Variants in KIF20B observed in about 807,000 individuals in gnomAD.
The protein encoded by KIF20B is kinesin family member 20B, also known as kinesin-like protein KIF20B.
KIF20B carries 188 observed loss-of-function variants against 232.5 expected under a neutral mutation model. The observed-to-expected ratio is 0.81, with a 90% CI of 0.72 to 0.91. KIF20B has a LOEUF of 0.91. Ranked by LOEUF, KIF20B falls within the 40% of genes least tolerant of loss-of-function variation. The pLI is 0.00. For synonymous variants in KIF20B, 712 were observed against 683.0 expected (o/e 1.04, Z -0.66); for missense variants, 2,154 against 2,055.9 (o/e 1.05, Z -0.92).
At chr10:89,716,669 T>C (rs1215282718) in intron 9 of KIF20B, 122 bp downstream of exon 9, 5 of 631,366 alleles carry the variant, frequency 7.9e-6, no homozygotes, top group Non-Finnish European at 1.4e-5. Flanking sequence ...TCATAAGGCA[T>C]AAAAAACATT....
At chr10:89,764,037 C>T (rs1225895764) in intron 29 of KIF20B, among the ~76,000 whole-genome samples, 2 of 99,118 alleles carry the variant, frequency 2.0e-5, no homozygotes, top group African/African-American at 7.9e-5. Flanking sequence ...CTAATGCCAT[C>T]CCTCCCCCCT....
chr10:89,713,999 C>A (rs556438844), intron 6 of KIF20B, 48 bp from the exon 7 acceptor site: 2 of 922,262 alleles, frequency 2.2e-6, no homozygotes, highest in African/African-American at 1.7e-5. Flanking sequence ...GATTATTTAA[C>A]CTTAATGAAA....
chr10:89,759,146 GGTAGA>G lies in KIF20B; in HGVS notation c.4680+268_4680+272del, dbSNP rs376859537. ...AAATATTAGTATTTCTAATTACTTTGGTAGAGTAATTAGAAAATCAACAATTTATG... is the reference window on the plus strand; with the variant it reads ...AAATATTAGTATTTCTAATTACTTTGGTAATTAGAAAATCAACAATTTATG... On this transcript the variant is annotated intron_variant, in intron 27 of 32. Transcript: ENST00000371728. 1.5e-3 allele frequency among the ~76,000 whole-genome samples: 235 copies of G among 151,960 alleles called. 1 individual carries two copies. The highest frequency in any genetic ancestry group is 5.4e-3 in the African/African-American group (224 of 41,496).
chr10:89,747,499 ATG>A (rs1205749999), intron 23 of KIF20B, among the ~76,000 whole-genome samples: 3 of 151,538 alleles, frequency 2.0e-5, no homozygotes, highest in African/African-American at 7.3e-5. Context: ...ATGTCCAACA[ATG>A]ATAGACTGGA....
At chr10:89,749,918 G>A (rs1394097935) in intron 23 of KIF20B, among the ~76,000 whole-genome samples, 1 of 152,052 alleles carries the variant, frequency 6.6e-6, no homozygotes, top group Admixed American at 6.6e-5. Flanking sequence ...TTGATTGCTT[G>A]TTCATTTAAT....
chr10:89,723,555 A>G (rs1390277820), intron 13 of KIF20B: 2 of 152,786 alleles, frequency 1.3e-5, no homozygotes, highest in African/African-American at 4.8e-5. Context: ...TTTAAACTCA[A>G]CCTTTAGCAT....
chr10:89,768,591 G>C, intron 30 of KIF20B, 147 bp from the exon 31 acceptor site: 2 of 824,682 alleles, frequency 2.4e-6, no homozygotes, highest in Non-Finnish European at 3.7e-6. Flanking sequence ...GCCATTGTCT[G>C]ACCCTTTTAT....
chr10:89,743,932 A>G lies in KIF20B; in HGVS notation c.4035+5A>G. 6.3e-7 allele frequency: 1 copy of G among 1,577,702 alleles called. No individual in the cohort carries two copies. The highest frequency in any genetic ancestry group is 8.6e-7 in the Non-Finnish European group (1 of 1,167,518). On this transcript the variant is annotated splice_donor_5th_base_variant and intron_variant, in intron 22 of 32. Coordinates refer to ENST00000371728, the MANE Select transcript of KIF20B (RefSeq NM_001284259.2). ...CGAACCATTCAGCAACTCAAGGTAA[A>G]CAGTTTTGTTTTTAAAGATGATTTA...
intron 21 of KIF20B, among the ~76,000 whole-genome samples, chr10:89,743,508 C>A (rs980084675): frequency 6.6e-6 from 1 of 152,060 alleles, no homozygotes; most frequent in African/African-American, 2.4e-5. Flanking sequence ...GTAATTATTT[C>A]CCTATTATGT....
At chr10:89,705,209 A>G (rs2133077359) in intron 1 of KIF20B, 85 bp from the exon 2 acceptor site, 1 of 1,078,536 alleles carries the variant, frequency 9.3e-7, no homozygotes, top group East Asian at 2.4e-5. Context: ...TTTGGAGGGA[A>G]GTAGTGGGCT....
intron 19 of KIF20B, among the ~76,000 whole-genome samples, chr10:89,733,545 A>G (rs1365844676): frequency 1.3e-5 from 2 of 152,214 alleles, no homozygotes; most frequent in Non-Finnish European, 2.9e-5. Context: ...TTTTTTAAAA[A>G]ATCTTTAATA....
chr10:89,732,653 CT>C (rs1419002334), intron 18 of KIF20B, among the ~76,000 whole-genome samples: 1 of 152,122 alleles, frequency 6.6e-6, no homozygotes, highest in African/African-American at 2.4e-5. Flanking sequence ...TCATATTTTT[CT>C]TTTCAAAGCA....
At chr10:89,760,073 G>A (rs990012019) in intron 27 of KIF20B, among the ~76,000 whole-genome samples, 13 of 152,092 alleles carry the variant, frequency 8.5e-5, no homozygotes, top group African/African-American at 3.1e-4. Context: ...TTCCTGAGAA[G>A]CCTCCAGTTT....
intron 21 of KIF20B, 134 bp downstream of exon 21, chr10:89,739,230 A>G (rs531728812): frequency 1.1e-6 from 1 of 942,704 alleles, no homozygotes; most frequent in African/African-American, 1.7e-5. Context: ...TTACAAGAAC[A>G]GTTACTTCAC....
intron 31 of KIF20B, among the ~76,000 whole-genome samples, chr10:89,770,845 G>T (rs544313417): frequency 2.6e-5 from 4 of 152,024 alleles, no homozygotes; most frequent in Admixed American, 6.6e-5. Flanking sequence ...ATTCATACAT[G>T]ACAGAATGTT....
At chr10:89,743,785 G>A (rs1291077892) in intron 21 of KIF20B, 23 bp from the exon 22 acceptor site, 2 of 1,367,546 alleles carry the variant, frequency 1.5e-6, no homozygotes, top group Non-Finnish European at 2.0e-6. Flanking sequence ...TATTCCATTT[G>A]TTTTATAAAC....
rs1589315983 is a variant in KIF20B at position 89,772,284 on chromosome 10, G to C, written c.5243-405G>C. ...AAAGTATTTTCATGCAGCATTCATT[G>C]TGCATAACTTTATGCATGAGCATTG... On this transcript the variant is annotated intron_variant, in intron 31 of 32. Transcript: ENST00000371728. Among the ~76,000 whole-genome samples, 3 of 152,048 alleles carry C rather than the reference G, an allele frequency of 2.0e-5. No individual in the cohort carries two copies. In the East Asian group the frequency reaches 5.8e-4, roughly 29 times the overall value.
chr10:89,756,832 A>G (rs564469793), intron 26 of KIF20B, among the ~76,000 whole-genome samples: 1 of 152,118 alleles, frequency 6.6e-6, no homozygotes, highest in African/African-American at 2.4e-5. Flanking sequence ...AGAATCATCC[A>G]TGTTTCCATG....
intron 26 of KIF20B, among the ~76,000 whole-genome samples, chr10:89,756,374 A>G (rs1732772782): frequency 6.6e-6 from 1 of 152,160 alleles, no homozygotes; most frequent in East Asian, 1.9e-4. Context: ...CTCCAATTCC[A>G]AACCAGTGGT....
Sources: gnomAD v4.1 joint callset for allele counts (sites outside exome capture counted in the v4.1 genomes callset) on GRCh38, gnomAD v4.1.1 for gene constraint, MANE v1.5 for transcripts, NCBI Gene and HGNC (gene_info 2026-07-23, HGNC 2026-07-21) for gene names.